Variants in TRAF2 observed in about 807,000 individuals in gnomAD.
TRAF2 encodes TNF receptor associated factor 2.
A neutral mutation model predicts 55.6 loss-of-function variants in TRAF2; 6 were observed. The observed-to-expected ratio is 0.11, with a 90% CI of 0.06 to 0.21. The LOEUF (loss-of-function observed/expected upper bound fraction) is 0.21, where lower values mean the gene tolerates loss of function less well. Among genes scored for constraint, TRAF2 ranks in the 10% least tolerant of loss-of-function variants. The pLI is 1.00. For synonymous variants in TRAF2, 329 were observed against 276.3 expected (o/e 1.19, Z -1.89); for missense variants, 561 against 684.5 (o/e 0.82, Z 2.01).
intron 1 of TRAF2, among the ~76,000 whole-genome samples, chr9:136,894,047 CTTTT>C (rs11415604): frequency 1.7e-5 from 2 of 116,814 alleles, no homozygotes; most frequent in South Asian, 5.6e-4. Context: ...TGCGCCTGGC[CTTTT>C]TTTTTTTTTT....
intron 9 of TRAF2, among the ~76,000 whole-genome samples, chr9:136,923,038 G>GT (rs1171544592): frequency 3.3e-5 from 5 of 152,184 alleles, no homozygotes; most frequent in African/African-American, 1.2e-4. Context: ...TTTGCACACA[G>GT]TGTTCTGTCA....
chr9:136,889,895 G>A (rs1849539847), intron 1 of TRAF2, among the ~76,000 whole-genome samples: 2 of 152,020 alleles, frequency 1.3e-5, no homozygotes, highest in South Asian at 4.1e-4. Flanking sequence ...GTCGGTCACC[G>A]CATGTGTGAT....
chr9:136,914,997 T>C (rs1850206941), intron 6 of TRAF2, among the ~76,000 whole-genome samples: 1 of 151,756 alleles, frequency 6.6e-6, no homozygotes, highest in Admixed American at 6.6e-5. Flanking sequence ...CTGACCAAAA[T>C]GCAGAAACCC....
At chr9:136,889,219 G>GTT (rs533626382) in intron 1 of TRAF2, among the ~76,000 whole-genome samples, 148 of 123,100 alleles carry the variant, frequency 1.2e-3, no homozygotes, top group Middle Eastern at 5.1e-3. Context: ...GGTTTTTTCT[G>GTT]TTTTTTTTTT....
intron 10 of TRAF2, among the ~76,000 whole-genome samples, chr9:136,924,825 C>CG (rs1284608479): frequency 4.2e-4 from 64 of 151,896 alleles, no homozygotes; most frequent in South Asian, 1.7e-3. Context: ...CTGCAACCTC[C>CG]CCTCCTGGGT....
chr9:136,903,505 T>C (rs1849869973), intron 4 of TRAF2, among the ~76,000 whole-genome samples: 1 of 151,362 alleles, frequency 6.6e-6, no homozygotes. Flanking sequence ...GCGTCAAATG[T>C]GTAGTTTGAA....
intron 10 of TRAF2, among the ~76,000 whole-genome samples, chr9:136,925,192 G>C (rs1373936629): frequency 1.3e-5 from 2 of 152,310 alleles, no homozygotes; most frequent in Non-Finnish European, 2.9e-5. Context: ...GAGTTGGGTG[G>C]GGGAGGGGGT....
Position 136,917,892 on chromosome 9 carries a change from T to TTGC in TRAF2, c.678+1281_678+1283dup, listed in dbSNP as rs1850278797. On this transcript the variant is annotated intron_variant, in intron 7 of 10. Transcript: ENST00000247668. Reference sequence around the variant, plus strand: ...GTGACCACCCGGGCCTCAGTGGTGCTTGCTGCCGCCACCGTGCTCCTTGTT... The same window carrying TTGC: ...GTGACCACCCGGGCCTCAGTGGTGCTTGCTGCTGCCGCCACCGTGCTCCTTGTT... Among the ~76,000 whole-genome samples, 4 of 152,238 alleles carry TTGC rather than the reference T, an allele frequency of 2.6e-5. No individual in the cohort carries two copies. In the South Asian group the frequency reaches 8.3e-4, roughly 32 times the overall value.
chr9:136,883,239 C>A (rs778975626), upstream of TRAF2, among the ~76,000 whole-genome samples: 2 of 152,122 alleles, frequency 1.3e-5, no homozygotes, highest in Non-Finnish European at 2.9e-5. Flanking sequence ...AAGGCATTTT[C>A]ATGAGAGCAG....
intron 6 of TRAF2, among the ~76,000 whole-genome samples, chr9:136,914,153 C>T (rs1243247186): frequency 6.6e-6 from 1 of 152,102 alleles, no homozygotes; most frequent in African/African-American, 2.4e-5. Flanking sequence ...CACAGGAACC[C>T]TAGGGCACCC....
chr9:136,921,318 G>A (rs1850379546), intron 9 of TRAF2, 103 bp downstream of exon 9: 2 of 1,420,188 alleles, frequency 1.4e-6, no homozygotes. Context: ...GGTGGGGCTG[G>A]GATACGACCC....
chr9:136,906,936 T>G (rs1012959687), intron 4 of TRAF2, among the ~76,000 whole-genome samples: 5 of 152,184 alleles, frequency 3.3e-5, no homozygotes, highest in Admixed American at 2.6e-4. Context: ...CTGTGAGAGG[T>G]GCAGCTGCCA....
intron 6 of TRAF2, among the ~76,000 whole-genome samples, chr9:136,913,357 G>C (rs1188138238): frequency 7.6e-6 from 1 of 131,400 alleles, no homozygotes; most frequent in Non-Finnish European, 1.5e-5. Flanking sequence ...GAGTGCAGTG[G>C]CGCAATCTCG....
chr9:136,885,534 T>C (rs922190616), upstream of TRAF2, among the ~76,000 whole-genome samples: 1 of 152,134 alleles, frequency 6.6e-6, no homozygotes, highest in Non-Finnish European at 1.5e-5. Context: ...CTGGAGGCCA[T>C]AGGTTGTGTT....
intron 1 of TRAF2, among the ~76,000 whole-genome samples, chr9:136,894,733 C>T (rs139439273): frequency 3.3e-5 from 5 of 152,034 alleles, no homozygotes; most frequent in South Asian, 2.1e-4. Flanking sequence ...AGAGCAGGGT[C>T]GGGGCCAGAG....
chr9:136,885,557 C>A (rs939735625), upstream of TRAF2, among the ~76,000 whole-genome samples: 1 of 152,154 alleles, frequency 6.6e-6, no homozygotes, highest in Non-Finnish European at 1.5e-5. Context: ...CACTTGAGGT[C>A]GGGAGTTCAA....
At position 136,923,872 on chromosome 9, in the gene TRAF2, G is replaced by A. The variant is rs1363427887; in HGVS notation, c.1159G>A (p.Gly387Ser). 1 of 1,613,560 alleles carries A rather than the reference G, an allele frequency of 6.2e-7. No homozygotes were observed. The highest frequency in any genetic ancestry group is 8.5e-7 in the Non-Finnish European group (1 of 1,179,942). ...CCCAGCCTTCTACACCAGCAGGTAC[G>A]GCTACAAGATGTGTCTGCGTATCTA... is the stretch of plus-strand genomic sequence containing the variant. ...FSPAFYTSRYGYKMCLRIYLN... is the reference protein window; with the variant it reads ...FSPAFYTSRYSYKMCLRIYLN... Residue 387 changes from glycine to serine, a missense_variant, in exon 10 of 11, where the codon GGC becomes AGC. Physicochemically the swap from Gly to Ser is moderately conservative, Grantham distance 56. Transcript: ENST00000247668.
chr9:136,894,788 G>T (rs559861075), intron 1 of TRAF2, among the ~76,000 whole-genome samples: 20 of 152,264 alleles, frequency 1.3e-4, no homozygotes, highest in Non-Finnish European at 2.5e-4. Context: ...AGTGGAATTG[G>T]CCTGTGATTG....
At chr9:136,884,109 C>A (rs1041922549), upstream of TRAF2, among the ~76,000 whole-genome samples, 3 of 151,620 alleles carry the variant, frequency 2.0e-5, no homozygotes, top group African/African-American at 7.3e-5. Context: ...CCACCGCGCC[C>A]GGCCTTTTGT....
Sources: gnomAD v4.1 joint callset for allele counts (sites outside exome capture counted in the v4.1 genomes callset) on GRCh38, gnomAD v4.1.1 for gene constraint, MANE v1.5 for transcripts, NCBI Gene and HGNC (gene_info 2026-07-23, HGNC 2026-07-21) for gene names.